Variants in NAALADL2 observed in about 807,000 individuals in gnomAD.
The protein encoded by NAALADL2 is N-acetylated alpha-linked acidic dipeptidase like 2.
In NAALADL2, 76 loss-of-function variants were observed where a neutral mutation model predicts 87.2. The observed-to-expected ratio is 0.87, with a 90% CI of 0.72 to 1.05. NAALADL2 has a LOEUF of 1.05. Ranked by LOEUF, NAALADL2 falls within the 50% of genes least tolerant of loss-of-function variation. The pLI is 0.00. For missense variants in NAALADL2, 1,089 were observed against 945.8 expected (o/e 1.15, Z -1.99); for synonymous variants, 354 against 331.0 (o/e 1.07, Z -0.75).
In NAALADL2 at chr3:175,629,154, C is replaced by T. The variant is rs56675264; in HGVS notation, c.1896+1768C>T. Reference sequence around the variant, plus strand: ...ATATAATATATATGGACATATATATCATATATATACATATATACACACATA... The same window carrying T: ...ATATAATATATATGGACATATATATTATATATATACATATATACACACATA... On this transcript the variant is annotated intron_variant, in intron 11 of 13. Transcript: ENST00000454872. 3.4e-3 allele frequency among the ~76,000 whole-genome samples: 509 copies of T among 147,766 alleles called. 2 individuals are homozygous for T. The highest frequency in any genetic ancestry group is 0.011 in the African/African-American group (466 of 40,604).
chr3:175,195,366 G>T (rs1020429575), intron 2 of NAALADL2, among the ~76,000 whole-genome samples: 2 of 151,768 alleles, frequency 1.3e-5, no homozygotes, highest in African/African-American at 2.4e-5. Flanking sequence ...TATGTTGGAT[G>T]ATGAAACGTT....
chr3:175,798,179 T>G (rs1460881021), intron 13 of NAALADL2, among the ~76,000 whole-genome samples: 1 of 152,080 alleles, frequency 6.6e-6, no homozygotes, highest in Non-Finnish European at 1.5e-5. Flanking sequence ...AAGATATTTT[T>G]GCTAGCCCCG....
intron 1 of NAALADL2, among the ~76,000 whole-genome samples, chr3:174,526,265 G>A (rs960357652): frequency 2.6e-5 from 4 of 152,116 alleles, no homozygotes; most frequent in Non-Finnish European, 5.9e-5. Flanking sequence ...CAGTGGACTA[G>A]CATTTCTGTG....
chr3:174,759,661 A>G (rs570524716), intron 3 of NAALADL2, among the ~76,000 whole-genome samples: 1 of 152,268 alleles, frequency 6.6e-6, no homozygotes, highest in Non-Finnish European at 1.5e-5. Context: ...CAAATCTACT[A>G]ACATGTTTCT....
rs550107956 is a variant in NAALADL2 at position 175,705,771 on chromosome 3, T to C, written c.1897-31535T>C. 2.6e-5 allele frequency among the ~76,000 whole-genome samples: 4 copies of C among 152,212 alleles called. No individual in the cohort carries two copies. The South Asian group carries it at 8.3e-4, about 32-fold the overall frequency. On this transcript the variant is annotated intron_variant, in intron 11 of 13. Transcript: ENST00000454872. ...GTCCAGTCATGCAGCTAGTTAATGG[T>C]AAACCTCAAGTTAGAACAGGAGTTA...
chr3:174,898,112 C>CAAAAAAAAAAAAAAAAAAAAAA (rs913382744), intron 1 of NAALADL2, among the ~76,000 whole-genome samples: 2 of 14,496 alleles, frequency 1.4e-4, no homozygotes, highest in Non-Finnish European at 1.2e-4. Flanking sequence ...GACTCCGTCT[C>CAAAAAAAAAAAAAAAAAAAAAA]AAAAAAAAAA....
intron 2 of NAALADL2, among the ~76,000 whole-genome samples, chr3:174,716,726 A>T (rs925592146): frequency 6.6e-6 from 1 of 152,070 alleles, no homozygotes; most frequent in South Asian, 2.1e-4. Context: ...ATACATATAT[A>T]TCCACACACC....
intron 12 of NAALADL2, 64 bp from the exon 13 acceptor site, chr3:175,755,156 G>A: frequency 7.2e-7 from 1 of 1,398,476 alleles, no homozygotes. Context: ...TTCCTGATTG[G>A]AAAATGCTTA....
At chr3:175,190,865 C>A (rs1738061361) in intron 2 of NAALADL2, among the ~76,000 whole-genome samples, 1 of 151,452 alleles carries the variant, frequency 6.6e-6, no homozygotes, top group South Asian at 2.1e-4. Context: ...GTAGTCCCAG[C>A]TACTCGGGAG....
intron 11 of NAALADL2, among the ~76,000 whole-genome samples, chr3:175,659,241 C>T (rs548960095): frequency 4.9e-4 from 75 of 152,200 alleles, no homozygotes; most frequent in African/African-American, 1.3e-3. Context: ...AATATTGTTA[C>T]GGCTTTATTT....
At chr3:174,747,243 A>AT (rs1734345753) in intron 3 of NAALADL2, among the ~76,000 whole-genome samples, 2 of 152,186 alleles carry the variant, frequency 1.3e-5, no homozygotes, top group Non-Finnish European at 2.9e-5. Flanking sequence ...AAAAGGCCAA[A>AT]CAACCCCATC....
intron 9 of NAALADL2, among the ~76,000 whole-genome samples, chr3:175,497,188 C>G (rs1728937210): frequency 6.6e-6 from 1 of 152,230 alleles, no homozygotes; most frequent in Non-Finnish European, 1.5e-5. Context: ...ATCCTCCTGC[C>G]TCAGCCTCCC....
At chr3:174,694,039 G>T (rs1055947317) in intron 2 of NAALADL2, among the ~76,000 whole-genome samples, 10 of 152,074 alleles carry the variant, frequency 6.6e-5, no homozygotes, top group Non-Finnish European at 1.5e-4. Context: ...CTTTCCACAA[G>T]TCTTACATAC....
At chr3:175,706,560 A>G (rs936002141) in intron 11 of NAALADL2, among the ~76,000 whole-genome samples, 1 of 152,182 alleles carries the variant, frequency 6.6e-6, no homozygotes, top group Admixed American at 6.6e-5. Flanking sequence ...CTATTGTAGA[A>G]GATAAAACTG....
intron 2 of NAALADL2, among the ~76,000 whole-genome samples, chr3:175,173,748 G>A (rs1735236485): frequency 6.6e-6 from 1 of 152,170 alleles, no homozygotes; most frequent in Non-Finnish European, 1.5e-5. Flanking sequence ...ACAGTTGCAA[G>A]CACGTTTATT....
In NAALADL2 at chr3:174,727,625, G is replaced by A. The variant is rs182343417; in HGVS notation, c.-114-10016G>A. On this transcript the variant is annotated intron_variant, in intron 2 of 3. Coordinates refer to the NAALADL2 transcript ENST00000434257. ...TCAACAGAAAGAACAGAGTTCTCAT[G>A]TATCCCTCCCCAACCCCAAAGCACA... Among the ~76,000 whole-genome samples, 156 of 152,126 alleles carry A rather than the reference G, an allele frequency of 1.0e-3. 2 individuals carry two copies. Among genetic ancestry groups the A allele is most frequent in the Admixed American group, 4.4e-3 (67 of 15,260 alleles).
At chr3:174,741,710 G>A (rs1400705752) in intron 3 of NAALADL2, among the ~76,000 whole-genome samples, 2 of 151,564 alleles carry the variant, frequency 1.3e-5, no homozygotes, top group Non-Finnish European at 3.0e-5. Flanking sequence ...TAAATTTTTA[G>A]CCTAATTTTG....
chr3:175,471,690 A>T lies in NAALADL2; in HGVS notation c.1585A>T (p.Ser529Cys). The change falls in exon 9 of 14, where the codon AGT (serine) becomes TGT (cysteine). Residue 529 changes from serine to cysteine, a missense_variant. Ser to Cys is a moderately radical substitution (Grantham distance 112, BLOSUM62 -1). Transcript: ENST00000454872. ...KNVVAYISLH[S>C]PIRGNSSLYP... The stretch of plus-strand genomic sequence containing the variant: ...TGTTGTGGCTTATATTAGCCTCCAC[A>T]GTCCCATAAGGGGGAACTCTAGTCT... 1 of 1,589,014 alleles carries T rather than the reference A, an allele frequency of 6.3e-7. No homozygotes were observed. Among genetic ancestry groups the T allele is most frequent in the East Asian group, 2.2e-5 (1 of 44,552 alleles).
chr3:174,748,228 T>C (rs1225933856), intron 3 of NAALADL2, among the ~76,000 whole-genome samples: 1 of 152,040 alleles, frequency 6.6e-6, no homozygotes, highest in African/African-American at 2.4e-5. Flanking sequence ...ACCTAGGTGA[T>C]GGGTTGGTAG....
Sources: allele counts gnomAD v4.1 joint callset (sites outside exome capture counted in the v4.1 genomes callset), GRCh38; gene constraint gnomAD v4.1.1; transcripts MANE v1.5; gene names NCBI Gene and HGNC (gene_info 2026-07-23, HGNC 2026-07-21).